UBXN7: variants seen among roughly 807,000 people sequenced by gnomAD.
UBXN7 encodes the protein UBX domain protein 7, also known as UBX domain-containing protein 7.
Under a neutral mutation model 58.0 loss-of-function variants are expected in UBXN7, and 9 were observed. The ratio of observed to expected loss-of-function variants is 0.16; its 90% confidence interval spans 0.09 to 0.27. The LOEUF is 0.27. Ranked by LOEUF, UBXN7 falls within the 10% of genes least tolerant of loss-of-function variation. UBXN7 has a pLI of 1.00. For synonymous variants in UBXN7, 208 were observed against 205.0 expected, an observed-to-expected ratio of 1.01 and a Z score of -0.12; for missense variants, 328 against 599.6, an observed-to-expected ratio of 0.55 and a Z score of 4.73.
chr3:196,371,378 C>T (rs1381566355), intron 6 of UBXN7, among the ~76,000 whole-genome samples: 3 of 152,106 alleles, frequency 2.0e-5, no homozygotes, highest in African/African-American at 7.2e-5. Context: ...TACATTATTA[C>T]AGTTAATTTC....
At chr3:196,403,568 C>T (rs1012886796) in intron 2 of UBXN7, among the ~76,000 whole-genome samples, 10 of 152,132 alleles carry the variant, frequency 6.6e-5, no homozygotes, top group Non-Finnish European at 8.8e-5. Flanking sequence ...CCTTCCCTCT[C>T]AAGTTTCCTA....
rs1204814214 is a variant in UBXN7 at position 196,362,654 on chromosome 3, G to A, written c.868C>T (p.Leu290=). The stretch of plus-strand genomic sequence containing the variant: ...AAGGAGGCTCTGATGGCAGCTTCTA[G>A]CTGGCTGTCTTCACTTGCATCTATA... The part of the protein sequence containing the change: ...SLIDASEDSQ[L]EAAIRASLQE... Residue 290 remains leucine (L), a synonymous_variant, in exon 9 of 11, where the codon CTA becomes TTA. Coordinates refer to ENST00000296328, the MANE Select transcript of UBXN7 (RefSeq NM_015562.2). The A allele has an allele frequency of 6.2e-7, 1 of 1,612,016 alleles. No individual in the cohort carries two copies. Among genetic ancestry groups the A allele is most frequent in the Non-Finnish European group, 8.5e-7 (1 of 1,178,190 alleles).
At chr3:196,367,215 A>G (rs533569844) in intron 8 of UBXN7, among the ~76,000 whole-genome samples, 1 of 152,136 alleles carries the variant, frequency 6.6e-6, no homozygotes, top group Admixed American at 6.5e-5. Flanking sequence ...CAACAAAACA[A>G]AACTATTTTT....
intron 5 of UBXN7, among the ~76,000 whole-genome samples, chr3:196,380,348 G>C (rs567326147): frequency 6.6e-6 from 1 of 152,302 alleles, no homozygotes; most frequent in East Asian, 1.9e-4. Context: ...AAACATGGTG[G>C]TAAGGCAACT....
rs572694070 is a variant in UBXN7, at chr3:196,361,710, A to G, written c.1308+134T>C. 2.6e-5 allele frequency: 18 copies of G among 690,814 alleles called. 1 individual carries two copies. Among genetic ancestry groups the G allele is most frequent in the Middle Eastern group, 5.2e-4 (2 of 3,882 alleles). 42.8% of individuals were successfully genotyped at this position (690,814 alleles called of 1,614,324 possible). On this transcript the variant is annotated intron_variant, in intron 10 of 10. Coordinates refer to ENST00000296328, the MANE Select transcript of UBXN7 (RefSeq NM_015562.2). ...AATTAAGTTATGTGCTTTTTTTTAG[A>G]CATAAAGCTACTGCACACTTAATAG... is the stretch of plus-strand genomic sequence containing the variant.
Position 196,430,442 on chromosome 3 carries a change from C to T in UBXN7, c.73+1885G>A, listed in dbSNP as rs75232190. Among the ~76,000 whole-genome samples the T allele has an allele frequency of 8.2e-3, 1,251 of 151,906 alleles. 15 individuals are homozygous for T. Among genetic ancestry groups the T allele is most frequent in the African/African-American group, 0.029 (1,197 of 41,436 alleles). The stretch of plus-strand genomic sequence containing the variant: ...TCTTGCTCTGTTGCCAGGGATGGAG[C>T]GCAGTGGTATGATCTACTCACCGCA... On this transcript the variant is annotated intron_variant, in intron 1 of 10. Coordinates refer to ENST00000296328, the MANE Select transcript of UBXN7 (RefSeq NM_015562.2).
intron 10 of UBXN7, among the ~76,000 whole-genome samples, chr3:196,360,466 CTCTG>C (rs934439914): frequency 3.3e-5 from 5 of 152,172 alleles, no homozygotes; most frequent in Admixed American, 1.3e-4. Context: ...GTTAAATCTA[CTCTG>C]TCTGTGTTCT....
Position 196,397,442 on chromosome 3 carries a change from GA to G in UBXN7, c.290-3824del, listed in dbSNP as rs150669326. 2.6e-4 allele frequency: 40 copies of G among 152,300 alleles called. No homozygotes were observed. The East Asian group carries it at 6.2e-3, about 23-fold the overall frequency. 9.4% of individuals were successfully genotyped at this position (152,300 alleles called of 1,614,324 possible). A position where few individuals can be genotyped will look rare whatever the true frequency, so the allele number is the denominator to read the frequency against. The stretch of plus-strand genomic sequence containing the variant: ...TATTCTTTTAGTTCAAGTATAGAAA[GA>G]AAACTAAAATTTACTCTCACGCAGA... On this transcript the variant is annotated intron_variant, in intron 3 of 10. Transcript: ENST00000296328.
In UBXN7 at chr3:196,358,317, C is replaced by T. The variant is rs189456550; in HGVS notation, c.1309-1471G>A. Among the ~76,000 whole-genome samples, 18 of 152,312 alleles carry T rather than the reference C, an allele frequency of 1.2e-4. No individual in the cohort carries two copies. The East Asian group carries it at 2.9e-3, about 24-fold the overall frequency. ...ACTATCCTCTTCAAATAACCCCAGT[C>T]GTCCTTTTCCAGAAGTAGTCATTTC... On this transcript the variant is annotated intron_variant, in intron 10 of 10. Coordinates refer to ENST00000296328, the MANE Select transcript of UBXN7 (RefSeq NM_015562.2).
In UBXN7 at chr3:196,348,352, G is replaced by GA. The variant is rs1728133333; in HGVS notation, c.*8332dup. On this transcript the variant is annotated 3_prime_UTR_variant, in exon 11 of 11. Transcript: ENST00000296328. ...AACGGTATCTCCTAGCACCATTGGA[G>GA]AAAAGGCCCAGAAAACAGAATTCGA... 6.6e-6 allele frequency: 1 copy of GA among 152,100 alleles called. No individual in the cohort carries two copies. Among genetic ancestry groups the GA allele is most frequent in the South Asian group, 2.1e-4 (1 of 4,810 alleles). 9.4% of individuals were successfully genotyped at this position (152,100 alleles called of 1,614,324 possible).
chr3:196,421,279 C>A (rs1329383600), intron 1 of UBXN7, among the ~76,000 whole-genome samples: 4 of 152,124 alleles, frequency 2.6e-5, no homozygotes, highest in Non-Finnish European at 5.9e-5. Context: ...AGCCAAGATG[C>A]CAGAGTTCCA....
At position 196,361,950 on chromosome 3, in the gene UBXN7, A is replaced by C. The variant is rs761120400; in HGVS notation, c.1229-27T>G. 26 of 1,596,736 alleles carry C rather than the reference A, an allele frequency of 1.6e-5. No individual in the cohort carries two copies. The South Asian group carries it at 1.8e-4, about 11-fold the overall frequency. On this transcript the variant is annotated intron_variant, in intron 9 of 10. Transcript: ENST00000296328. ...TAAAGGAAGGGTTTAAAAAAAAAAA[A>C]AAAACGGGATACAGGAGTTTAAGAC...
chr3:196,422,171 G>A (rs1577479800), intron 1 of UBXN7, among the ~76,000 whole-genome samples: 2 of 152,062 alleles, frequency 1.3e-5, no homozygotes, highest in Middle Eastern at 6.8e-3. Context: ...CTGCACTCCA[G>A]CCTGGGTGAC....
At chr3:196,395,234 T>C (rs1729732865) in intron 3 of UBXN7, among the ~76,000 whole-genome samples, 1 of 152,194 alleles carries the variant, frequency 6.6e-6, no homozygotes, top group Non-Finnish European at 1.5e-5. Flanking sequence ...AACTCGTGTT[T>C]GTGATTACAT....
chr3:196,389,631 C>T (rs1729516671), intron 5 of UBXN7, among the ~76,000 whole-genome samples: 1 of 152,216 alleles, frequency 6.6e-6, no homozygotes, highest in Admixed American at 6.5e-5. Context: ...CACCGGCTTC[C>T]CCTTTGCCTT....
At chr3:196,378,806 C>A (rs1254930370) in intron 5 of UBXN7, among the ~76,000 whole-genome samples, 1 of 149,658 alleles carries the variant, frequency 6.7e-6, no homozygotes, top group Non-Finnish European at 1.5e-5. Context: ...AGCTTCTTTC[C>A]ATGTTGGTTT....
intron 3 of UBXN7, among the ~76,000 whole-genome samples, chr3:196,394,043 C>A (rs1453438962): frequency 6.6e-6 from 1 of 152,020 alleles, no homozygotes; most frequent in African/African-American, 2.4e-5. Context: ...AATCCCAGCA[C>A]TTTGGGAGGC....
At chr3:196,417,108 T>C (rs1421050356) in intron 1 of UBXN7, among the ~76,000 whole-genome samples, 13 of 151,970 alleles carry the variant, frequency 8.6e-5, no homozygotes, top group African/African-American at 2.4e-4. Context: ...GGTCAGGAGA[T>C]CGAGACCATC....
At position 196,407,423 on chromosome 3, in the gene UBXN7, T is replaced by TAA. The variant is rs74348613; in HGVS notation, c.74-32_74-31dup. 7.6e-3 allele frequency: 10,264 copies of TAA among 1,348,082 alleles called. 12 individuals are homozygous for TAA. The highest frequency in any genetic ancestry group is 8.9e-3 in the South Asian group (545 of 61,494). The allele number at this position is 1,348,082 out of a possible 1,614,324, so 83.5% of individuals were successfully genotyped here. On this transcript the variant is annotated intron_variant, in intron 1 of 10. Coordinates refer to ENST00000296328, the MANE Select transcript of UBXN7 (RefSeq NM_015562.2). ...AACAGTAAAAAGACAGGAAAAACGT[T>TAA]AAAAAAAAAAAAAAAAAAGACAGCC...
Sources: gnomAD v4.1 joint callset for allele counts (sites outside exome capture counted in the v4.1 genomes callset) on GRCh38, gnomAD v4.1.1 for gene constraint, MANE v1.5 for transcripts, NCBI Gene and HGNC (gene_info 2026-07-23, HGNC 2026-07-21) for gene names.